BCAS3: variants seen among roughly 807,000 people sequenced by gnomAD.
The protein encoded by BCAS3 is BCAS3 microtubule associated cell migration factor, also known as BCAS4/BCAS3 fusion.
In BCAS3, 53 loss-of-function variants were observed where a neutral mutation model predicts 116.1. That is an observed-to-expected ratio of 0.46 (90% CI 0.37 to 0.57). The LOEUF (loss-of-function observed/expected upper bound fraction) is 0.57, where lower values mean the gene tolerates loss of function less well. BCAS3 is among the 20% of genes least tolerant of loss of function. The probability of loss-of-function intolerance (pLI) is 0.00; values close to 1 mark genes in which losing one functional copy is unlikely to be tolerated. For missense variants in BCAS3, 917 were observed against 1,165.4 expected (o/e 0.79, Z 3.10); for synonymous variants, 391 against 408.2 (o/e 0.96, Z 0.51).
Position 61,364,131 on chromosome 17 carries a change from A to G in BCAS3, c.2426-4196A>G, listed in dbSNP as rs548257438. On this transcript the variant is annotated intron_variant, in intron 22 of 23. Transcript: ENST00000407086. The surrounding 1 kb of genome is among the most constrained non-coding windows in gnomAD (Gnocchi z 5.4). ...CAGGACCACTGATTGTATCCTCTCT[A>G]TGACGTCTCAGGACGGTAGAAATGA... Among the ~76,000 whole-genome samples the G allele has an allele frequency of 2.2e-4, 33 of 152,326 alleles. No homozygotes were observed. Among genetic ancestry groups the G allele is most frequent in the Admixed American group, 2.0e-3 (30 of 15,300 alleles).
Position 61,298,901 on chromosome 17 carries a change from C to T in BCAS3, c.2426-69426C>T, listed in dbSNP as rs955928133. Among the ~76,000 whole-genome samples, 5 of 151,990 alleles carry T rather than the reference C, an allele frequency of 3.3e-5. No homozygotes were observed. The East Asian group carries it at 9.8e-4, about 30-fold the overall frequency. On this transcript the variant is annotated intron_variant, in intron 22 of 23. Transcript: ENST00000407086. ...GCAGTGGCGCAATCTTGGCTCACTG[C>T]AATCTCTGCCTCCTGGGTTCAAGCA... is the stretch of plus-strand genomic sequence containing the variant.
chr17:61,313,209 TAAGAGGA>T lies in BCAS3; in HGVS notation c.2426-55115_2426-55109del, dbSNP rs1442403078. 6.6e-6 allele frequency among the ~76,000 whole-genome samples: 1 copy of T among 152,214 alleles called. No individual in the cohort carries two copies. Among genetic ancestry groups the T allele is most frequent in the Non-Finnish European group, 1.5e-5 (1 of 68,030 alleles). On this transcript the variant is annotated intron_variant, in intron 22 of 23. Transcript: ENST00000407086. This position sits in a 1 kb window ranked among gnomAD's most constrained non-coding sequence, Gnocchi z 4.3. ...GAAAGCGAATGCTGTTATTTTGCTC[TAAGAGGA>T]AACTAAGGTTCAAAGAACCAATACT...
At chr17:61,143,815 AT>A (rs2077052478) in intron 22 of BCAS3, among the ~76,000 whole-genome samples, 1 of 152,180 alleles carries the variant, frequency 6.6e-6, no homozygotes. Flanking sequence ...TCTCAAAAAA[AT>A]AAAATAAAAT....
intron 22 of BCAS3, among the ~76,000 whole-genome samples, chr17:61,103,093 ACAGATTATATTCTGATATTT>A (rs1246746856): frequency 1.3e-5 from 2 of 152,148 alleles, no homozygotes; most frequent in African/African-American, 2.4e-5. Context: ...TATTCCAATA[ACAGATTATATTCTGATATTT>A]CAGACAAGAA....
intron 6 of BCAS3, among the ~76,000 whole-genome samples, chr17:60,760,143 C>T (rs1598509276): frequency 6.6e-6 from 1 of 152,332 alleles, no homozygotes; most frequent in African/African-American, 2.4e-5. Context: ...GCCAGTCCCT[C>T]TCTTTTAAGC....
In BCAS3 at chr17:60,787,640, A is replaced by AG. The variant is rs566237871; in HGVS notation, c.404-20362dup. ...TGCTGTGAAGAAACAAATCAGGGTA[A>AG]GGAGATAGAGTAGGAGGGAGGATGG... On this transcript the variant is annotated intron_variant, in intron 6 of 23. Transcript: ENST00000407086. Among the ~76,000 whole-genome samples, 6 of 152,260 alleles carry AG rather than the reference A, an allele frequency of 3.9e-5. No individual in the cohort carries two copies. The South Asian group carries it at 1.2e-3, about 32-fold the overall frequency.
intron 4 of BCAS3, among the ~76,000 whole-genome samples, chr17:60,708,443 T>C (rs1485045328): frequency 6.6e-6 from 1 of 152,012 alleles, no homozygotes; most frequent in African/African-American, 2.4e-5. Flanking sequence ...ACCACAGCCT[T>C]GAATTATTTT....
intron 12 of BCAS3, among the ~76,000 whole-genome samples, chr17:60,916,013 A>G (rs949841861): frequency 6.6e-6 from 1 of 152,092 alleles, no homozygotes; most frequent in Admixed American, 6.5e-5. Context: ...ACTCTGTTGT[A>G]TTCCATTGTA....
At chr17:61,169,104 G>C (rs1314408839) in intron 22 of BCAS3, among the ~76,000 whole-genome samples, 2 of 152,104 alleles carry the variant, frequency 1.3e-5, no homozygotes, top group Non-Finnish European at 2.9e-5. Context: ...TTTAACATTA[G>C]AATATATTTC....
At chr17:61,174,039 T>TAATG (rs1269234452) in intron 22 of BCAS3, among the ~76,000 whole-genome samples, 1 of 152,220 alleles carries the variant, frequency 6.6e-6, no homozygotes, top group African/African-American at 2.4e-5. Flanking sequence ...TCAGTTCCTC[T>TAATG]AATGATACTA....
intron 11 of BCAS3, 22 bp from the exon 12 acceptor site, chr17:60,910,510 C>A: frequency 6.4e-7 from 1 of 1,560,926 alleles, no homozygotes; most frequent in Admixed American, 1.9e-5. Flanking sequence ...TGAAGTCATA[C>A]ATTTTACCTT....
At chr17:60,846,857 A>C (rs1265905212) in intron 7 of BCAS3, among the ~76,000 whole-genome samples, 1 of 152,096 alleles carries the variant, frequency 6.6e-6, no homozygotes, top group Non-Finnish European at 1.5e-5. Flanking sequence ...ACCATTTTAA[A>C]GTATACAATT....
intron 22 of BCAS3, among the ~76,000 whole-genome samples, chr17:61,266,082 C>T (rs2049678051): frequency 1.3e-5 from 2 of 152,140 alleles, no homozygotes; most frequent in South Asian, 4.1e-4. Flanking sequence ...GGAAGCCTGT[C>T]CTCACGTTCA....
intron 5 of BCAS3, among the ~76,000 whole-genome samples, chr17:60,717,758 G>A (rs1371671852): frequency 6.6e-6 from 1 of 152,170 alleles, no homozygotes; most frequent in Non-Finnish European, 1.5e-5. Flanking sequence ...CGGTTTTGTG[G>A]AAGACAGTTT....
intron 11 of BCAS3, among the ~76,000 whole-genome samples, chr17:60,909,442 C>T (rs993956548): frequency 6.6e-6 from 1 of 151,914 alleles, no homozygotes; most frequent in Non-Finnish European, 1.5e-5. Flanking sequence ...AAAAGATAGT[C>T]ACCTCATTGA....
At chr17:60,731,070 A>AATT (rs140433709) in intron 5 of BCAS3, among the ~76,000 whole-genome samples, 4,827 of 152,252 alleles carry the variant, frequency 0.032, 239 homozygotes, top group African/African-American at 0.11. Flanking sequence ...ATTAAAAGTA[A>AATT]ATTGTTATTA....
intron 4 of BCAS3, among the ~76,000 whole-genome samples, chr17:60,690,108 T>C (rs916662842): frequency 5.3e-5 from 8 of 152,346 alleles, no homozygotes; most frequent in African/African-American, 1.7e-4. Flanking sequence ...TTGAACTTTC[T>C]TGGCTTGAAA....
chr17:61,089,681 C>T (rs2073385045), intron 22 of BCAS3, among the ~76,000 whole-genome samples: 1 of 151,664 alleles, frequency 6.6e-6, no homozygotes, highest in African/African-American at 2.4e-5. Flanking sequence ...CAGGCACGCG[C>T]CACCACGCCC....
Position 61,061,951 on chromosome 17 carries a change from G to A in BCAS3, c.2030-12969G>A, listed in dbSNP as rs543015929. On this transcript the variant is annotated intron_variant, in intron 19 of 23. Transcript: ENST00000407086. ...ATACGGAGACATTATGCATAAGCAAGTTAGAAGTAGCACACCCCCTTTAAA... is the reference window on the plus strand; with the variant it reads ...ATACGGAGACATTATGCATAAGCAAATTAGAAGTAGCACACCCCCTTTAAA... Among the ~76,000 whole-genome samples, 406 of 152,276 alleles carry A rather than the reference G, an allele frequency of 2.7e-3. 3 individuals are homozygous for A. The highest frequency in any genetic ancestry group is 9.4e-3 in the African/African-American group (391 of 41,564).
Sources: allele counts gnomAD v4.1 joint callset (sites outside exome capture counted in the v4.1 genomes callset), GRCh38; gene constraint gnomAD v4.1.1; non-coding constraint Gnocchi (gnomAD v3.1); transcripts MANE v1.5; gene names NCBI Gene and HGNC (gene_info 2026-07-23, HGNC 2026-07-21).